ZFP42: variants seen among roughly 807,000 people sequenced by gnomAD.
The protein encoded by ZFP42 is zinc finger protein 42 homolog.
For missense variants in ZFP42, 438 were observed against 377.1 expected (o/e 1.16, Z -1.34); for synonymous variants, 175 against 144.6 (o/e 1.21, Z -1.51).
rs200711766 is a variant in ZFP42 at position 188,003,486 on chromosome 4, G to A, written c.679G>A (p.Val227Ile). ...HVCAECGKAFVESSKLKRHFL... is the reference protein window; with the variant it reads ...HVCAECGKAFIESSKLKRHFL... ...CTGTGCGGAATGTGGGAAAGCGTTC[G>A]TTGAGAGCTCAAAACTAAAGAGACA... is the stretch of plus-strand genomic sequence containing the variant. The change falls in exon 4 of 4, where the codon GTT (valine) becomes ATT (isoleucine). Residue 227 changes from valine to isoleucine, a missense_variant. Physicochemically the swap from Val to Ile is conservative, Grantham distance 29. Coordinates refer to ENST00000326866, the MANE Select transcript of ZFP42 (RefSeq NM_174900.5). 6 of 1,613,876 alleles carry A rather than the reference G, an allele frequency of 3.7e-6. No homozygotes were observed. The highest frequency in any genetic ancestry group is 1.3e-5 in the African/African-American group (1 of 75,058).
chr4:188,000,504 A>G (rs1733769885), intron 3 of ZFP42, among the ~76,000 whole-genome samples: 1 of 151,934 alleles, frequency 6.6e-6, no homozygotes, highest in Admixed American at 6.6e-5. Flanking sequence ...TCCTGCCAGT[A>G]GCTGGGATTG....
intron 3 of ZFP42, among the ~76,000 whole-genome samples, chr4:187,999,999 G>A (rs541501466): frequency 1.0e-3 from 158 of 152,326 alleles, no homozygotes; most frequent in Non-Finnish European, 2.0e-3. Context: ...GGAGGGAAAA[G>A]CAGCAGTCAA....
intron 3 of ZFP42, among the ~76,000 whole-genome samples, chr4:188,000,870 G>C: frequency 6.6e-6 from 1 of 152,020 alleles, no homozygotes; most frequent in African/African-American, 2.4e-5. Flanking sequence ...GGGGGCGCCT[G>C]CCTGTAATCC....
At chr4:187,998,293 G>C (rs1056524200) in intron 1 of ZFP42, among the ~76,000 whole-genome samples, 1 of 152,020 alleles carries the variant, frequency 6.6e-6, no homozygotes, top group Non-Finnish European at 1.5e-5. Flanking sequence ...CGGAGATCAC[G>C]CTGTTGCACT....
chr4:188,001,966 C>T (rs555919273), intron 3 of ZFP42, among the ~76,000 whole-genome samples: 2 of 152,324 alleles, frequency 1.3e-5, no homozygotes, highest in Admixed American at 6.5e-5. Context: ...ATCACGAAGT[C>T]GGGAGCTCCA....
Position 188,003,725 on chromosome 4 carries a change from A to T in ZFP42, c.918A>T (p.Glu306Asp), listed in dbSNP as rs1035586984. 1 of 1,609,942 alleles carries T rather than the reference A, an allele frequency of 6.2e-7. No homozygotes were observed. Among genetic ancestry groups the T allele is most frequent in the African/African-American group, 1.3e-5 (1 of 74,846 alleles). The part of the protein sequence containing the change: ...ILTHANTNKN[E>D]QEGK ...CGCATGCAAATACGAACAAGAATGA[A>T]CAAGAGGGAAAGTAGTCCTCCAACA... is the stretch of plus-strand genomic sequence containing the variant. Residue 306 changes from glutamate to aspartate, a missense_variant, in exon 4 of 4, where the codon GAA (glutamate) becomes GAT (aspartate). Physicochemically the swap from Glu to Asp is conservative, Grantham distance 45. Transcript: ENST00000326866.
chr4:187,996,114 G>A (rs1248727487), intron 1 of ZFP42, among the ~76,000 whole-genome samples: 2 of 152,124 alleles, frequency 1.3e-5, no homozygotes, highest in Non-Finnish European at 2.9e-5. Flanking sequence ...TTCCTAAATT[G>A]CATTTTTTAT....
chr4:187,998,216 A>T (rs187328989), intron 1 of ZFP42, among the ~76,000 whole-genome samples: 2 of 152,182 alleles, frequency 1.3e-5, no homozygotes, highest in Non-Finnish European at 2.9e-5. Context: ...CATGCCTGTA[A>T]TCCCAGCTAC....
rs985448656 is a variant in ZFP42, at chr4:187,999,263, G to A, written c.-183G>A. The A allele has an allele frequency of 2.6e-5, 4 of 151,940 alleles. No homozygotes were observed. Among genetic ancestry groups the A allele is most frequent in the African/African-American group, 4.8e-5 (2 of 41,334 alleles). The allele number at this position is 151,940 out of a possible 1,614,324, so 9.4% of individuals were successfully genotyped here. On this transcript the variant is annotated 5_prime_UTR_variant, in exon 2 of 4. Coordinates refer to ENST00000326866, the MANE Select transcript of ZFP42 (RefSeq NM_174900.5). The stretch of plus-strand genomic sequence containing the variant: ...CCTTGGGAATTCAGACCTAACCATC[G>A]CTGAGCTGAAGTGTAGGTGTGGTCT...
At chr4:187,997,133 C>T (rs1733621238) in intron 1 of ZFP42, among the ~76,000 whole-genome samples, 1 of 152,052 alleles carries the variant, frequency 6.6e-6, no homozygotes, top group African/African-American at 2.4e-5. Flanking sequence ...ACTTTTCCTC[C>T]TGCCCACATC....
intron 1 of ZFP42, 77 bp downstream of exon 1, chr4:187,995,917 C>T (rs1461326036): frequency 2.6e-5 from 4 of 152,222 alleles, no homozygotes; most frequent in African/African-American, 4.8e-5. Flanking sequence ...ATGTGTCGGT[C>T]AAAGGGGTTA....
chr4:188,001,533 C>T (rs1274462222), intron 3 of ZFP42, among the ~76,000 whole-genome samples: 1 of 152,168 alleles, frequency 6.6e-6, no homozygotes, highest in Non-Finnish European at 1.5e-5. Flanking sequence ...AATGAGTGGG[C>T]ACACGATGGC....
chr4:188,003,185 G>C lies in ZFP42; in HGVS notation c.378G>C (p.Gly126=). 1 of 1,613,838 alleles carries C rather than the reference G, an allele frequency of 6.2e-7. No individual in the cohort carries two copies. Among genetic ancestry groups the C allele is most frequent in the South Asian group, 1.1e-5 (1 of 91,062 alleles). The change falls in exon 4 of 4, where the codon GGG becomes GGC. Residue 126 remains glycine, a synonymous_variant. Transcript: ENST00000326866. ...LECSLEYMKK[G]VKKELPQKIV... The stretch of plus-strand genomic sequence containing the variant: ...GTTCTTTGGAATACATGAAAAAAGG[G>C]GTAAAGAAAGAGCTTCCACAAAAGA...
intron 1 of ZFP42, 33 bp from the exon 2 acceptor site, chr4:187,999,075 A>G (rs1173279209): frequency 6.6e-6 from 1 of 152,158 alleles, no homozygotes; most frequent in Non-Finnish European, 1.5e-5. Context: ...CACCTCTCTT[A>G]GGAGATGCCT....
In ZFP42 at chr4:188,003,192, A is replaced by C. The variant is rs745715287; in HGVS notation, c.385A>C (p.Lys129Gln). 6.2e-7 allele frequency: 1 copy of C among 1,613,882 alleles called. No individual in the cohort carries two copies. Among genetic ancestry groups the C allele is most frequent in the Non-Finnish European group, 8.5e-7 (1 of 1,179,992 alleles). The change falls in exon 4 of 4, where the codon AAA becomes CAA. Residue 129 changes from lysine to glutamine, a missense_variant. By Grantham distance (53) the Lys-to-Gln change is moderately conservative. Coordinates refer to ENST00000326866, the MANE Select transcript of ZFP42 (RefSeq NM_174900.5). ...GGAATACATGAAAAAAGGGGTAAAG[A>C]AAGAGCTTCCACAAAAGATAGTTGG... The part of the protein sequence containing the change: ...SLEYMKKGVK[K>Q]ELPQKIVGEN...
chr4:188,002,034 A>G (rs1733842216), intron 3 of ZFP42, among the ~76,000 whole-genome samples: 1 of 152,138 alleles, frequency 6.6e-6, no homozygotes, highest in Non-Finnish European at 1.5e-5. Flanking sequence ...AAAAGTAGCC[A>G]GGCGTGGTGG....
chr4:187,998,367 A>T (rs1037438320), intron 1 of ZFP42, among the ~76,000 whole-genome samples: 5 of 152,216 alleles, frequency 3.3e-5, no homozygotes, highest in Non-Finnish European at 7.3e-5. Flanking sequence ...AAATGAATTT[A>T]AAAAGTTACA....
In ZFP42 at chr4:188,003,517, T is replaced by C; in HGVS notation, c.710T>C (p.Leu237Pro). 1.9e-6 allele frequency: 3 copies of C among 1,613,780 alleles called. No homozygotes were observed. Among genetic ancestry groups the C allele is most frequent in the Non-Finnish European group, 1.7e-6 (2 of 1,180,030 alleles). Residue 237 changes from leucine to proline, a missense_variant, in exon 4 of 4, where the codon CTG (leucine) becomes CCG (proline). Transcript: ENST00000326866. The stretch of plus-strand genomic sequence containing the variant: ...AGCTCAAAACTAAAGAGACATTTCC[T>C]GGTTCATACTGGAGAGAAGCCGTTT... ...VESSKLKRHF[L>P]VHTGEKPFRC...
chr4:187,996,745 A>G (rs1733587593), intron 1 of ZFP42, among the ~76,000 whole-genome samples: 1 of 151,374 alleles, frequency 6.6e-6, no homozygotes, highest in Non-Finnish European at 1.5e-5. Context: ...TCTGCTCCAA[A>G]CCCCTGGCAG....
Sources: allele counts gnomAD v4.1 joint callset (sites outside exome capture counted in the v4.1 genomes callset), GRCh38; gene constraint gnomAD v4.1.1; transcripts MANE v1.5; gene names NCBI Gene and HGNC (gene_info 2026-07-23, HGNC 2026-07-21).